Variants in RDX observed in about 807,000 individuals in gnomAD.
The protein encoded by RDX is radixin, also known as deafness, autosomal recessive 24.
Under a neutral mutation model 83.7 loss-of-function variants are expected in RDX, and 32 were observed. That is an observed-to-expected ratio of 0.38 (90% CI 0.29 to 0.51). The LOEUF is 0.51. Among genes scored for constraint, RDX ranks in the 20% least tolerant of loss-of-function variants. The pLI, the probability that RDX is intolerant of heterozygous loss-of-function variation, is 0.87. For synonymous variants in RDX, 229 were observed against 222.7 expected (o/e 1.03, Z -0.25); for missense variants, 600 against 689.9 (o/e 0.87, Z 1.46).
At chr11:110,266,895 T>C (rs112419693) in intron 3 of RDX, among the ~76,000 whole-genome samples, 1 of 43,576 alleles carries the variant, frequency 2.3e-5, no homozygotes, top group Non-Finnish European at 4.2e-5. Flanking sequence ...GCCCTTGGTT[T>C]GTTTGTTTGT....
intron 4 of RDX, among the ~76,000 whole-genome samples, 163 bp from the exon 5 acceptor site, chr11:110,264,397 TA>T (rs1019164441): frequency 6.6e-6 from 1 of 152,210 alleles, no homozygotes; most frequent in Non-Finnish European, 1.5e-5. Context: ...ATATATGTGG[TA>T]AAAGATTCTA....
intron 1 of RDX, among the ~76,000 whole-genome samples, chr11:110,290,253 G>C (rs1861180275): frequency 6.6e-6 from 1 of 152,128 alleles, no homozygotes; most frequent in African/African-American, 2.4e-5. Flanking sequence ...GGCCAGGTGT[G>C]GTGGCTCACG....
intron 11 of RDX, 95 bp from the exon 12 acceptor site, chr11:110,236,286 TG>T: frequency 1.1e-6 from 1 of 896,804 alleles, no homozygotes; most frequent in South Asian, 1.5e-5. Flanking sequence ...AGGCTGTTTA[TG>T]TTTTTCTTAG....
intron 15 of RDX, among the ~76,000 whole-genome samples, chr11:110,193,876 G>A (rs1004312232): frequency 6.6e-6 from 1 of 152,050 alleles, no homozygotes; most frequent in Non-Finnish European, 1.5e-5. Context: ...TCTCTAATTG[G>A]GATTCTCTCT....
chr11:110,215,799 T>C (rs1158734348), intron 14 of RDX, among the ~76,000 whole-genome samples: 1 of 152,170 alleles, frequency 6.6e-6, no homozygotes, highest in Non-Finnish European at 1.5e-5. Context: ...AAAATCCAAA[T>C]GCGGAGTTTG....
At chr11:110,254,637 G>A (rs1859471900) in intron 8 of RDX, among the ~76,000 whole-genome samples, 1 of 151,844 alleles carries the variant, frequency 6.6e-6, no homozygotes, top group South Asian at 2.1e-4. Flanking sequence ...CACCACATCT[G>A]ACTAATATTT....
chr11:110,288,094 GC>G (rs750365046), intron 1 of RDX, among the ~76,000 whole-genome samples: 1 of 152,140 alleles, frequency 6.6e-6, no homozygotes, highest in Non-Finnish European at 1.5e-5. Context: ...AGGGTGAGAG[GC>G]AGTTTTAAAT....
chr11:110,292,535 C>T (rs1861288174), intron 1 of RDX, among the ~76,000 whole-genome samples: 1 of 152,012 alleles, frequency 6.6e-6, no homozygotes, highest in Non-Finnish European at 1.5e-5. Context: ...GGAGAATTTT[C>T]TGCTATTTGA....
At chr11:110,268,095 G>T (rs1591169869) in intron 3 of RDX, among the ~76,000 whole-genome samples, 1 of 152,060 alleles carries the variant, frequency 6.6e-6, no homozygotes. Context: ...GGATCACAAG[G>T]TCAAGAGTTC....
At position 110,236,202 on chromosome 11, in the gene RDX, C is replaced by T. The variant is rs1457797716; in HGVS notation, c.1252-11G>A. On this transcript the variant is annotated splice_polypyrimidine_tract_variant and intron_variant, in intron 11 of 13. Transcript: ENST00000645495. The stretch of plus-strand genomic sequence containing the variant: ...AGCAAGTTCTGCTGCCTAAAGTAAA[C>T]AATATAATTCCAAAATTAAAATAAC... 1 of 1,592,164 alleles carries T rather than the reference C, an allele frequency of 6.3e-7. No homozygotes were observed. Among genetic ancestry groups the T allele is most frequent in the Non-Finnish European group, 8.6e-7 (1 of 1,161,068 alleles).
intron 14 of RDX, among the ~76,000 whole-genome samples, chr11:110,203,480 T>C (rs1397168274): frequency 6.7e-6 from 1 of 150,236 alleles, no homozygotes; most frequent in Non-Finnish European, 1.5e-5. Context: ...AAGGTGACTA[T>C]AATCAATAAT....
intron 2 of RDX, among the ~76,000 whole-genome samples, chr11:110,277,052 A>T (rs1860544487): frequency 6.6e-6 from 1 of 152,196 alleles, no homozygotes; most frequent in African/African-American, 2.4e-5. Context: ...CACATTCTGA[A>T]ACTTATCTAG....
Position 110,202,412 on chromosome 11 carries a change from G to T in RDX, c.1749-2734C>A, listed in dbSNP as rs911637093. Among the ~76,000 whole-genome samples, 8 of 151,804 alleles carry T rather than the reference G, an allele frequency of 5.3e-5. No homozygotes were observed. In the East Asian group the frequency reaches 1.6e-3, roughly 30 times the overall value. On this transcript the variant is annotated intron_variant, in intron 14 of 15. Coordinates refer to the RDX transcript ENST00000528498. ...TCATCTAAAAAAAAAAATCTGTCTA[G>T]TTTAGTATATTAACATTTTTCTTTT...
At chr11:110,257,331 C>CA (rs1411166820) in intron 7 of RDX, among the ~76,000 whole-genome samples, 5 of 151,886 alleles carry the variant, frequency 3.3e-5, no homozygotes, top group African/African-American at 9.6e-5. Context: ...TATAAATGTT[C>CA]AAAAAAATCC....
At chr11:110,213,914 C>T (rs2134261336) in intron 14 of RDX, among the ~76,000 whole-genome samples, 1 of 95,314 alleles carries the variant, frequency 1.0e-5, no homozygotes, top group South Asian at 4.7e-4. Flanking sequence ...CATTACCATT[C>T]AGGACATAGG....
intron 4 of RDX, 132 bp downstream of exon 4, chr11:110,264,647 A>G: frequency 3.3e-6 from 2 of 612,706 alleles, no homozygotes; most frequent in South Asian, 2.3e-5. Flanking sequence ...TTAAAAAAAC[A>G]TGGTACCTCA....
chr11:110,261,362 A>G (rs1364695018), intron 5 of RDX, among the ~76,000 whole-genome samples: 2 of 152,234 alleles, frequency 1.3e-5, no homozygotes, highest in Non-Finnish European at 2.9e-5. Context: ...AAGCAATACT[A>G]TCTGGTGGAG....
chr11:110,257,152 T>C (rs1367112423), intron 7 of RDX, among the ~76,000 whole-genome samples: 1 of 151,324 alleles, frequency 6.6e-6, no homozygotes, highest in African/African-American at 2.4e-5. Flanking sequence ...CATATACATG[T>C]ATATGTAAAT....
At chr11:110,193,905 A>G in intron 15 of RDX, among the ~76,000 whole-genome samples, 1 of 152,216 alleles carries the variant, frequency 6.6e-6, no homozygotes. Context: ...TATAAACCGA[A>G]GCAATTGGTA....
Sources: allele counts gnomAD v4.1 joint callset (sites outside exome capture counted in the v4.1 genomes callset), GRCh38; gene constraint gnomAD v4.1.1; transcripts MANE v1.5; gene names NCBI Gene and HGNC (gene_info 2026-07-23, HGNC 2026-07-21).